Variants in DOK5 observed in about 807,000 individuals in gnomAD.
The protein encoded by DOK5 is docking protein 5.
In DOK5, 27 loss-of-function variants were observed where a neutral mutation model predicts 43.3. That is an observed-to-expected ratio of 0.62 (90% CI 0.46 to 0.86). The LOEUF (loss-of-function observed/expected upper bound fraction) is 0.86. DOK5 is among the 40% of genes least tolerant of loss of function. The pLI is 0.00. For synonymous variants in DOK5, 146 were observed against 140.1 expected (o/e 1.04, Z -0.30); for missense variants, 373 against 392.9 (o/e 0.95, Z 0.43).
chr20:54,505,814 G>T (rs1190193699), intron 1 of DOK5, among the ~76,000 whole-genome samples: 1 of 152,138 alleles, frequency 6.6e-6, no homozygotes, highest in East Asian at 1.9e-4. Context: ...AGAGCCTTGA[G>T]GTGAGAGTGT....
intron 1 of DOK5, among the ~76,000 whole-genome samples, chr20:54,520,433 G>T (rs1360810577): frequency 6.6e-6 from 1 of 151,864 alleles, no homozygotes; most frequent in Non-Finnish European, 1.5e-5. Flanking sequence ...GCCCATTTTT[G>T]ATTGAGGTGA....
intron 7 of DOK5, among the ~76,000 whole-genome samples, chr20:54,648,291 T>C (rs1360007749): frequency 4.6e-5 from 7 of 152,192 alleles, no homozygotes; most frequent in Non-Finnish European, 8.8e-5. Flanking sequence ...GGCAGGGATA[T>C]TCCTTCCCTC....
At chr20:54,631,143 A>G (rs6023432) in intron 6 of DOK5, among the ~76,000 whole-genome samples, 21,265 of 152,198 alleles carry the variant, frequency 0.14, 2,216 homozygotes, top group African/African-American at 0.29. Context: ...TGACAAAAGA[A>G]AATGGCATGA....
chr20:54,590,629 G>A (rs757797325), intron 4 of DOK5, among the ~76,000 whole-genome samples: 6 of 151,910 alleles, frequency 3.9e-5, no homozygotes, highest in South Asian at 2.1e-4. Context: ...AGTAGATCGC[G>A]GAACACATTT....
At chr20:54,551,899 C>A (rs188664971) in intron 1 of DOK5, among the ~76,000 whole-genome samples, 21 of 152,322 alleles carry the variant, frequency 1.4e-4, no homozygotes, top group African/African-American at 4.3e-4. Flanking sequence ...ATGTTCTCGG[C>A]TTACTGCAGC....
rs1421029775 is a variant in DOK5 at position 54,591,680 on chromosome 20, G to A, written c.474G>A (p.Gln158=). Residue 158 remains glutamine, a synonymous_variant, in exon 5 of 8, where the codon CAG becomes CAA. Coordinates refer to ENST00000262593, the MANE Select transcript of DOK5 (RefSeq NM_018431.5). ...ATGTACATGGCGAATGTGCCTTGCA[G>A]ATTACATATGAGTATATCTGTCTTT... is the stretch of plus-strand genomic sequence containing the variant. ...NLDVHGECAL[Q]ITYEYICLWD... The A allele has an allele frequency of 1.9e-6, 3 of 1,613,902 alleles. No individual in the cohort carries two copies. In the Admixed American group the frequency reaches 5.0e-5, roughly 27 times the overall value.
chr20:54,498,406 G>A (rs879199228), intron 1 of DOK5, among the ~76,000 whole-genome samples: 1 of 152,124 alleles, frequency 6.6e-6, no homozygotes, highest in Admixed American at 6.5e-5. Context: ...TGTTTACCAA[G>A]GGAACAATAG....
intron 6 of DOK5, among the ~76,000 whole-genome samples, chr20:54,637,640 G>A (rs959664787): frequency 2.6e-5 from 4 of 152,204 alleles, no homozygotes; most frequent in African/African-American, 9.7e-5. Context: ...TAAAGTTTCA[G>A]CATGAATTCA....
intron 1 of DOK5, among the ~76,000 whole-genome samples, chr20:54,496,431 C>A (rs1475165877): frequency 1.3e-5 from 2 of 152,038 alleles, no homozygotes; most frequent in Admixed American, 1.3e-4. Context: ...TAAGGGAGAG[C>A]ATATTGGATG....
At chr20:54,576,874 G>C (rs1985468961) in intron 2 of DOK5, among the ~76,000 whole-genome samples, 1 of 152,200 alleles carries the variant, frequency 6.6e-6, no homozygotes, top group Non-Finnish European at 1.5e-5. Flanking sequence ...TAGAAATTAA[G>C]ATTTGCATTC....
At chr20:54,593,798 T>C (rs1986051923) in intron 5 of DOK5, among the ~76,000 whole-genome samples, 1 of 152,210 alleles carries the variant, frequency 6.6e-6, no homozygotes. Flanking sequence ...ATATATACCA[T>C]GGAACACTAT....
chr20:54,617,365 C>T (rs574045570), intron 6 of DOK5, among the ~76,000 whole-genome samples: 1 of 152,052 alleles, frequency 6.6e-6, no homozygotes, highest in Admixed American at 6.6e-5. Flanking sequence ...GAGTCTTGCT[C>T]TGTTACCCAG....
intron 1 of DOK5, among the ~76,000 whole-genome samples, chr20:54,478,874 T>C (rs1272571437): frequency 6.6e-6 from 1 of 152,220 alleles, no homozygotes; most frequent in Non-Finnish European, 1.5e-5. Flanking sequence ...TAGACGGATA[T>C]AGGAATTATC....
intron 1 of DOK5, among the ~76,000 whole-genome samples, chr20:54,532,546 T>C (rs1006505278): frequency 6.6e-6 from 1 of 152,080 alleles, no homozygotes; most frequent in African/African-American, 2.4e-5. Flanking sequence ...GAAAGGAGCC[T>C]GGTGTGTGGG....
At chr20:54,532,084 C>A (rs563084792) in intron 1 of DOK5, among the ~76,000 whole-genome samples, 31 of 152,178 alleles carry the variant, frequency 2.0e-4, no homozygotes, top group Middle Eastern at 3.4e-3. Flanking sequence ...AGACAAATAC[C>A]CTCCACCTCT....
At chr20:54,575,518 G>A (rs193120452) in intron 2 of DOK5, among the ~76,000 whole-genome samples, 1 of 152,284 alleles carries the variant, frequency 6.6e-6, no homozygotes, top group Non-Finnish European at 1.5e-5. Flanking sequence ...TCAGCTCACT[G>A]CAACCTCCAC....
intron 5 of DOK5, among the ~76,000 whole-genome samples, chr20:54,609,113 C>T (rs983354781): frequency 6.6e-5 from 10 of 152,080 alleles, no homozygotes; most frequent in African/African-American, 9.7e-5. Context: ...GGGCCAACTG[C>T]GAAACATTAG....
chr20:54,628,277 C>T (rs1000143938), intron 6 of DOK5, among the ~76,000 whole-genome samples: 6 of 151,676 alleles, frequency 4.0e-5, no homozygotes, highest in African/African-American at 9.7e-5. Context: ...GGCGTGGTGG[C>T]GGGCGCCTGT....
chr20:54,500,508 G>A lies in DOK5; in HGVS notation c.66+24496G>A, dbSNP rs912943436. On this transcript the variant is annotated intron_variant, in intron 1 of 7. Coordinates refer to ENST00000262593, the MANE Select transcript of DOK5 (RefSeq NM_018431.5). ...TATTTTTTTCTCCTAAACATTGAAA[G>A]TTTCACATGGTTACAAGGATCACAT... 8.8e-5 allele frequency among the ~76,000 whole-genome samples: 13 copies of A among 148,024 alleles called. 1 individual carries two copies. In the South Asian group the frequency reaches 2.6e-3, roughly 29 times the overall value.
Sources: gnomAD v4.1 joint callset for allele counts (sites outside exome capture counted in the v4.1 genomes callset) on GRCh38, gnomAD v4.1.1 for gene constraint, MANE v1.5 for transcripts, NCBI Gene and HGNC (gene_info 2026-07-23, HGNC 2026-07-21) for gene names.